Variants in CFAP96 observed in about 807,000 individuals in gnomAD.
CFAP96 encodes the protein cilia and flagella associated protein 96, also known as cilia-and flagella-associated protein 96.
chr4:185,445,497 G>A, the CFAP96 span: 6 of 1,568,814 alleles, frequency 3.8e-6, no homozygotes, highest in Admixed American at 1.7e-5. Flanking sequence ...CAATCTTGAG[G>A]AATCCTAATG....
At chr4:185,429,032 C>T in the CFAP96 span, among the ~76,000 whole-genome samples, 1 of 152,110 alleles carries the variant, frequency 6.6e-6, no homozygotes, top group African/African-American at 2.4e-5. Context: ...TATAATACAC[C>T]GTACAGTAAT....
the CFAP96 span, among the ~76,000 whole-genome samples, chr4:185,412,333 C>G: frequency 6.6e-6 from 1 of 152,144 alleles, no homozygotes; most frequent in Non-Finnish European, 1.5e-5. Context: ...AGCTGGTTGG[C>G]CCACAGCTTT....
At chr4:185,445,075 C>G in the CFAP96 span, 1 of 1,551,562 alleles carries the variant, frequency 6.4e-7, no homozygotes, top group Non-Finnish European at 8.7e-7. Flanking sequence ...TTTCCACCCA[C>G]CAAGTGGACC....
At chr4:185,421,155 G>A in the CFAP96 span, among the ~76,000 whole-genome samples, 1 of 152,198 alleles carries the variant, frequency 6.6e-6, no homozygotes, top group Non-Finnish European at 1.5e-5. Flanking sequence ...TCCCAGAAAT[G>A]TAGTTTAATG....
the CFAP96 span, among the ~76,000 whole-genome samples, chr4:185,437,557 A>G: frequency 6.6e-6 from 1 of 152,208 alleles, no homozygotes; most frequent in Non-Finnish European, 1.5e-5. Context: ...AATAAGGACC[A>G]TTATGCTGAT....
chr4:185,420,288 A>T, the CFAP96 span, among the ~76,000 whole-genome samples: 1 of 152,190 alleles, frequency 6.6e-6, no homozygotes, highest in Non-Finnish European at 1.5e-5. Context: ...ATGTTTGAAT[A>T]TTCAAAAAAT....
chr4:185,416,881 A>T, the CFAP96 span, among the ~76,000 whole-genome samples: 2 of 152,216 alleles, frequency 1.3e-5, no homozygotes, highest in Non-Finnish European at 2.9e-5. Context: ...TACAAAAGGA[A>T]ATGACAGATT....
At chr4:185,444,932 A>G in the CFAP96 span, 4 of 1,533,324 alleles carry the variant, frequency 2.6e-6, no homozygotes, top group South Asian at 4.9e-5. Context: ...ATTTTACAAA[A>G]TCACATTAAG....
At chr4:185,446,598 A>G in the CFAP96 span, among the ~76,000 whole-genome samples, 2 of 152,206 alleles carry the variant, frequency 1.3e-5, no homozygotes, top group Admixed American at 1.3e-4. Context: ...CTTTATATCA[A>G]TCAGGGACTA....
chr4:185,441,181 A>G, the CFAP96 span, among the ~76,000 whole-genome samples: 1 of 152,134 alleles, frequency 6.6e-6, no homozygotes, highest in Non-Finnish European at 1.5e-5. Flanking sequence ...AAACCATAAA[A>G]AGCCAAACCA....
the CFAP96 span, chr4:185,445,068 C>G: frequency 6.4e-7 from 1 of 1,551,554 alleles, no homozygotes; most frequent in East Asian, 2.4e-5. Context: ...ATAAGATTTT[C>G]CACCCACCAA....
the CFAP96 span, among the ~76,000 whole-genome samples, chr4:185,418,038 C>A: frequency 1.5e-4 from 1 of 6,842 alleles, no homozygotes; most frequent in Admixed American, 1.4e-3. Flanking sequence ...GAGTGAAACT[C>A]CATCTCAAAA....
the CFAP96 span, among the ~76,000 whole-genome samples, chr4:185,409,183 A>C: frequency 1.3e-5 from 2 of 152,232 alleles, no homozygotes; most frequent in African/African-American, 4.8e-5. Context: ...ATCATGGGAC[A>C]CAGGAAGAAT....
At chr4:185,418,310 T>C in the CFAP96 span, 8 of 648,634 alleles carry the variant, frequency 1.2e-5, no homozygotes, top group Non-Finnish European at 2.0e-5. Flanking sequence ...TTTTGGCAAG[T>C]CATTTAATCT....
chr4:185,429,657 T>C, the CFAP96 span: 1 of 580,386 alleles, frequency 1.7e-6, no homozygotes, highest in Admixed American at 3.8e-5. Flanking sequence ...AAAATTTCAA[T>C]GAAGTTAAGC....
the CFAP96 span, among the ~76,000 whole-genome samples, chr4:185,426,687 A>G: frequency 1.3e-5 from 2 of 152,208 alleles, no homozygotes; most frequent in Admixed American, 6.5e-5. Context: ...ATTGCAGAAT[A>G]TCTGTTAAAT....
the CFAP96 span, among the ~76,000 whole-genome samples, chr4:185,428,074 G>T: frequency 8.0e-6 from 1 of 124,298 alleles, no homozygotes; most frequent in East Asian, 2.5e-4. Flanking sequence ...CTACAAGAGC[G>T]AAACTCTGTC....
the CFAP96 span, among the ~76,000 whole-genome samples, chr4:185,443,921 C>CTTTTTTTTTTTTTTT: frequency 2.4e-5 from 2 of 82,854 alleles, no homozygotes; most frequent in African/African-American, 9.3e-5. Context: ...CTATATCTTT[C>CTTTTTTTTTTTTTTT]TTTTTTTTTT....
the CFAP96 span, among the ~76,000 whole-genome samples, chr4:185,408,709 G>A: frequency 4.0e-5 from 6 of 151,808 alleles, no homozygotes; most frequent in African/African-American, 1.5e-4. Context: ...CTCTACTTTC[G>A]GTTCCCATAT....
Sources: allele counts gnomAD v4.1 joint callset (sites outside exome capture counted in the v4.1 genomes callset), GRCh38; gene constraint gnomAD v4.1.1; transcripts MANE v1.5; gene names NCBI Gene and HGNC (gene_info 2026-07-23, HGNC 2026-07-21).